Variants in CDH18 observed in about 807,000 individuals in gnomAD.
CDH18 encodes the protein cadherin 18, also known as cadherin-18.
CDH18 carries 31 observed loss-of-function variants against 67.9 expected under a neutral mutation model. The ratio of observed to expected loss-of-function variants is 0.46; its 90% CI spans 0.34 to 0.62. The LOEUF (loss-of-function observed/expected upper bound fraction) is 0.62, where lower values mean the gene tolerates loss of function less well. Ranked by LOEUF, CDH18 falls within the 20% of genes least tolerant of loss-of-function variation. The probability of loss-of-function intolerance (pLI) is 0.01; values close to 1 mark genes in which losing one functional copy is unlikely to be tolerated. For synonymous variants in CDH18, 362 were observed against 347.2 expected, an observed-to-expected ratio of 1.04 and a Z score of -0.48; for missense variants, 890 against 975.5, an observed-to-expected ratio of 0.91 and a Z score of 1.17.
chr5:20,249,306 AAATT>A (rs1434795695), intron 2 of CDH18, among the ~76,000 whole-genome samples: 2 of 152,056 alleles, frequency 1.3e-5, no homozygotes, highest in African/African-American at 4.8e-5. Context: ...TTAAATAAAT[AAATT>A]TTTTTATTTA....
At chr5:20,519,942 CTTTTTT>C (rs777265512) in intron 1 of CDH18, among the ~76,000 whole-genome samples, 6 of 41,684 alleles carry the variant, frequency 1.4e-4, no homozygotes, top group African/African-American at 5.3e-4. Context: ...ACAGTCTTGG[CTTTTTT>C]TTTTTTTTTT....
intron 1 of CDH18, among the ~76,000 whole-genome samples, chr5:20,503,241 T>A (rs1581120074): frequency 2.6e-5 from 1 of 38,470 alleles, no homozygotes; most frequent in Non-Finnish European, 6.5e-5. Context: ...TTTTTATTTC[T>A]TTTTTTTTTT....
At chr5:19,719,508 G>C (rs61087700) in intron 5 of CDH18, among the ~76,000 whole-genome samples, 1 of 151,744 alleles carries the variant, frequency 6.6e-6, no homozygotes, top group Admixed American at 6.6e-5. Context: ...AAAGAATGGC[G>C]AGCTTTTCAA....
At chr5:19,686,430 A>G (rs1761103436) in intron 5 of CDH18, among the ~76,000 whole-genome samples, 1 of 152,150 alleles carries the variant, frequency 6.6e-6, no homozygotes, top group Non-Finnish European at 1.5e-5. Flanking sequence ...TAATGGAAGG[A>G]AAGTTGTTCA....
At position 20,452,938 on chromosome 5, in the gene CDH18, C is replaced by A. The variant is rs542469156; in HGVS notation, c.-580+122524G>T. Among the ~76,000 whole-genome samples the A allele has an allele frequency of 2.6e-5, 4 of 152,138 alleles. No individual in the cohort carries two copies. The South Asian group carries it at 8.3e-4, about 32-fold the overall frequency. ...ACTTAGTACCCTTAAACCACACCAA[C>A]GATAGAGAATTACCATGTAACAAAT... On this transcript the variant is annotated intron_variant, in intron 1 of 14. Transcript: ENST00000507958.
intron 2 of CDH18, among the ~76,000 whole-genome samples, chr5:20,247,639 C>A (rs1348036959): frequency 6.6e-6 from 1 of 151,856 alleles, no homozygotes; most frequent in Non-Finnish European, 1.5e-5. Context: ...TGGCGATCAC[C>A]TGTAATCCCA....
intron 3 of CDH18, among the ~76,000 whole-genome samples, chr5:19,810,500 T>G (rs1172449713): frequency 6.6e-6 from 1 of 152,008 alleles, no homozygotes; most frequent in Non-Finnish European, 1.5e-5. Flanking sequence ...CTTAAGAAAT[T>G]ATATCAATTA....
At chr5:19,621,145 C>T (rs1444254988) in intron 5 of CDH18, among the ~76,000 whole-genome samples, 1 of 151,650 alleles carries the variant, frequency 6.6e-6, no homozygotes, top group African/African-American at 2.4e-5. Context: ...TGTAATTTGC[C>T]ACTCCCTCTT....
intron 2 of CDH18, among the ~76,000 whole-genome samples, chr5:20,070,934 A>G (rs1321096827): frequency 1.3e-5 from 2 of 152,174 alleles, no homozygotes; most frequent in African/African-American, 4.8e-5. Context: ...GGCTAATGCA[A>G]TGCTATTTTA....
chr5:19,593,732 C>CTTTCCTTTTTG (rs1554055011), intron 6 of CDH18, among the ~76,000 whole-genome samples: 1 of 129,140 alleles, frequency 7.7e-6, no homozygotes, highest in African/African-American at 3.0e-5. Context: ...TCTTCTTCTT[C>CTTTCCTTTTTG]TTCTTCTTCT....
At chr5:20,251,451 T>C (rs1561913243) in intron 2 of CDH18, among the ~76,000 whole-genome samples, 1 of 152,222 alleles carries the variant, frequency 6.6e-6, no homozygotes, top group Non-Finnish European at 1.5e-5. Flanking sequence ...TTTCATAATA[T>C]GCTTTTTATA....
At chr5:19,735,541 GC>G (rs1272121615) in intron 4 of CDH18, among the ~76,000 whole-genome samples, 4 of 151,722 alleles carry the variant, frequency 2.6e-5, no homozygotes, top group African/African-American at 9.7e-5. Flanking sequence ...GACCACAGGC[GC>G]CCACCACCAC....
chr5:19,659,644 G>A (rs1756894441), intron 5 of CDH18, among the ~76,000 whole-genome samples: 1 of 152,068 alleles, frequency 6.6e-6, no homozygotes, highest in Non-Finnish European at 1.5e-5. Flanking sequence ...GATGAGTGCT[G>A]CACCCTTATG....
chr5:20,302,519 C>A (rs1388333981), intron 1 of CDH18, among the ~76,000 whole-genome samples: 1 of 152,112 alleles, frequency 6.6e-6, no homozygotes, highest in Non-Finnish European at 1.5e-5. Context: ...ACACACTAGG[C>A]CAAATTCTCC....
chr5:19,755,654 G>C (rs1364242020), intron 3 of CDH18, among the ~76,000 whole-genome samples: 1 of 148,696 alleles, frequency 6.7e-6, no homozygotes, highest in Non-Finnish European at 1.5e-5. Context: ...AGTTTATTAA[G>C]TATTAACTCA....
intron 1 of CDH18, among the ~76,000 whole-genome samples, chr5:20,376,934 T>A (rs947109971): frequency 3.3e-5 from 5 of 151,930 alleles, no homozygotes; most frequent in African/African-American, 1.2e-4. Flanking sequence ...GGAGAATTGC[T>A]TGAATCCGGG....
intron 3 of CDH18, among the ~76,000 whole-genome samples, chr5:19,830,503 G>A (rs897427337): frequency 3.9e-5 from 6 of 152,000 alleles, no homozygotes; most frequent in African/African-American, 1.2e-4. Flanking sequence ...TCTTACTACA[G>A]TCAGAATAGC....
Position 19,510,829 on chromosome 5 carries a change from G to A in CDH18, c.1513-7720C>T, listed in dbSNP as rs570318643. On this transcript the variant is annotated intron_variant, in intron 10 of 12. Transcript: ENST00000382275. ...GAGATCTGATTTTTTTTTTTTTTCT[G>A]AGACCAAGTTTTGCTCTTGTTGCCT... Among the ~76,000 whole-genome samples the A allele has an allele frequency of 2.2e-5, 3 of 137,002 alleles. 1 individual carries two copies. The South Asian group carries it at 6.9e-4, about 32-fold the overall frequency. 89.9% of individuals were successfully genotyped at this position (137,002 alleles called of 152,430 possible). A position where few individuals can be genotyped will look rare whatever the true frequency, so the allele number is the denominator to read the frequency against.
At position 20,391,971 on chromosome 5, in the gene CDH18, T is replaced by C. The variant is rs192077411; in HGVS notation, c.-579-136466A>G. On this transcript the variant is annotated intron_variant, in intron 1 of 14. Coordinates refer to the CDH18 transcript ENST00000507958. ...ATAAACAGCCAAAATATACTTAGTCTCTAAAGCAAAATACTATTAATATAA... is the reference window on the plus strand; with the variant it reads ...ATAAACAGCCAAAATATACTTAGTCCCTAAAGCAAAATACTATTAATATAA... Among the ~76,000 whole-genome samples the C allele has an allele frequency of 3.4e-4, 51 of 152,062 alleles. 1 individual carries two copies. In the East Asian group the frequency reaches 9.8e-3, roughly 29 times the overall value.
Sources: gnomAD v4.1 joint callset for allele counts (sites outside exome capture counted in the v4.1 genomes callset) on GRCh38, gnomAD v4.1.1 for gene constraint, MANE v1.5 for transcripts, NCBI Gene and HGNC (gene_info 2026-07-23, HGNC 2026-07-21) for gene names.